DIS3L2: variants seen among roughly 807,000 people sequenced by gnomAD.
The protein encoded by DIS3L2 is DIS3-like exonuclease 2.
A neutral mutation model predicts 97.5 loss-of-function variants in DIS3L2; 34 were observed. The ratio of observed to expected loss-of-function variants is 0.35; its 90% CI spans 0.27 to 0.46. The LOEUF (loss-of-function observed/expected upper bound fraction) is 0.46, where lower values mean the gene tolerates loss of function less well. DIS3L2 is among the 20% of genes least tolerant of loss of function. The pLI is 1.00. For missense variants in DIS3L2, 1,038 were observed against 1,146.0 expected, an observed-to-expected ratio of 0.91 and a Z score of 1.36; for synonymous variants, 435 against 445.2, an observed-to-expected ratio of 0.98 and a Z score of 0.29.
At chr2:232,177,197 G>A (rs1441135229) in intron 9 of DIS3L2, among the ~76,000 whole-genome samples, 40 of 141,586 alleles carry the variant, frequency 2.8e-4, no homozygotes, top group African/African-American at 9.7e-4. Context: ...TCTTAATCCA[G>A]TCTATCATTG....
intron 9 of DIS3L2, among the ~76,000 whole-genome samples, chr2:232,199,928 C>T (rs984967584): frequency 2.6e-5 from 4 of 151,968 alleles, no homozygotes; most frequent in African/African-American, 9.7e-5. Context: ...ACAAATGGGC[C>T]TAATGTTTTT....
At chr2:232,030,957 T>C (rs2106240841) in intron 5 of DIS3L2, among the ~76,000 whole-genome samples, 1 of 152,336 alleles carries the variant, frequency 6.6e-6, no homozygotes, top group Non-Finnish European at 1.5e-5. Flanking sequence ...CAATAATACG[T>C]GTTATAGAGT....
chr2:232,306,811 C>T (rs941540411), intron 14 of DIS3L2, among the ~76,000 whole-genome samples: 3 of 152,250 alleles, frequency 2.0e-5, no homozygotes, highest in Non-Finnish European at 4.4e-5. Context: ...GTGATCCCAC[C>T]CCACCTGCCT....
At chr2:232,011,702 C>G (rs1173476611) in intron 1 of DIS3L2, among the ~76,000 whole-genome samples, 1 of 151,172 alleles carries the variant, frequency 6.6e-6, no homozygotes, top group African/African-American at 2.4e-5. Context: ...GTTGCCCAGG[C>G]TGGAGTGCAC....
rs908679435 is a variant in DIS3L2 at position 232,024,215 on chromosome 2, A to G, written c.211-62A>G. 11 of 1,251,096 alleles carry G rather than the reference A, an allele frequency of 8.8e-6. No homozygotes were observed. The Admixed American group carries it at 1.8e-4, about 20-fold the overall frequency. The allele number at this position is 1,251,096 out of a possible 1,614,324, so 77.5% of individuals were successfully genotyped here. A position where few individuals can be genotyped will look rare whatever the true frequency, so the allele number is the denominator to read the frequency against. On this transcript the variant is annotated intron_variant, in intron 3 of 20. Coordinates refer to ENST00000325385, the MANE Select transcript of DIS3L2 (RefSeq NM_152383.5). ...TTAAAACTTTTTATTGGAGAATAAC[A>G]TACGTGGAAAAATCGTAAATATATA... is the stretch of plus-strand genomic sequence containing the variant.
chr2:232,111,144 T>C (rs1465834875), intron 6 of DIS3L2: 1 of 425,766 alleles, frequency 2.3e-6, no homozygotes, highest in Non-Finnish European at 4.9e-6. Flanking sequence ...AAAAAACTGC[T>C]GTGCTTAAAA....
chr2:232,243,368 A>G lies in DIS3L2; in HGVS notation c.1317+4723A>G, dbSNP rs76207938. On this transcript the variant is annotated intron_variant, in intron 11 of 20. Coordinates refer to ENST00000325385, the MANE Select transcript of DIS3L2 (RefSeq NM_152383.5). Reference sequence around the variant, plus strand: ...CCTGGAGTGGTAGGCGAAGGAGCTCAGATTTTGAGGGCAAGTAGGGAAGTG... The same window carrying G: ...CCTGGAGTGGTAGGCGAAGGAGCTCGGATTTTGAGGGCAAGTAGGGAAGTG... Among the ~76,000 whole-genome samples, 467 of 152,276 alleles carry G rather than the reference A, an allele frequency of 3.1e-3. 1 individual carries two copies. Among genetic ancestry groups the G allele is most frequent in the African/African-American group, 0.011 (441 of 41,558 alleles).
intron 5 of DIS3L2, among the ~76,000 whole-genome samples, chr2:232,058,330 G>T (rs1438383662): frequency 6.6e-6 from 1 of 152,116 alleles, no homozygotes; most frequent in East Asian, 1.9e-4. Context: ...CTCTAATTCT[G>T]TGCCCATTTC....
rs1266503246 is a variant in DIS3L2 at position 232,163,461 on chromosome 2, AGCTG to A, written c.957_960del (p.Ala320ArgfsTer17). Reference sequence around the variant, plus strand: ...TTCCGTTTCTGTTCTATCCATAGGCAGCTGGCTAAGAGTCTTGGGCAGGCTGGTG... The same window carrying A: ...TTCCGTTTCTGTTCTATCCATAGGCAGCTAAGAGTCTTGGGCAGGCTGGTG... On this transcript the variant is annotated frameshift_variant, in exon 9 of 21. Transcript: ENST00000325385. LOFTEE classifies it high-confidence loss of function. The A allele has an allele frequency of 6.2e-7, 1 of 1,613,746 alleles. No individual in the cohort carries two copies. Among genetic ancestry groups the A allele is most frequent in the Non-Finnish European group, 8.5e-7 (1 of 1,179,826 alleles).
chr2:232,125,743 G>C (rs1345465272), intron 6 of DIS3L2, among the ~76,000 whole-genome samples: 1 of 152,162 alleles, frequency 6.6e-6, no homozygotes, highest in Non-Finnish European at 1.5e-5. Flanking sequence ...GCCTTGACAG[G>C]AGCTAGATGT....
chr2:232,249,383 T>A (rs1443286838), intron 12 of DIS3L2, 37 bp downstream of exon 12: 1 of 1,596,854 alleles, frequency 6.3e-7, no homozygotes, highest in Non-Finnish European at 8.6e-7. Context: ...CACTTACCTC[T>A]TTTCTGTTCC....
At chr2:232,009,509 G>A (rs1305498161) in intron 1 of DIS3L2, among the ~76,000 whole-genome samples, 3 of 151,952 alleles carry the variant, frequency 2.0e-5, no homozygotes, top group Admixed American at 2.0e-4. Flanking sequence ...TTGCCTCCTG[G>A]GTCAGCGTAT....
intron 13 of DIS3L2, among the ~76,000 whole-genome samples, chr2:232,280,143 T>A (rs998291147): frequency 3.3e-5 from 5 of 152,226 alleles, no homozygotes; most frequent in Non-Finnish European, 2.9e-5. Context: ...CTTCCTTTTT[T>A]AAAACATATT....
intron 14 of DIS3L2, among the ~76,000 whole-genome samples, chr2:232,311,538 G>A (rs1051858530): frequency 6.6e-5 from 10 of 152,216 alleles, no homozygotes; most frequent in African/African-American, 1.2e-4. Context: ...ACCAGCCCGG[G>A]CAGTGTAACG....
At chr2:232,117,701 C>T (rs1248856001) in intron 6 of DIS3L2, among the ~76,000 whole-genome samples, 1 of 152,168 alleles carries the variant, frequency 6.6e-6, no homozygotes, top group African/African-American at 2.4e-5. Context: ...AACCAGGCTC[C>T]GTATTGTTCC....
chr2:232,084,569 G>A (rs898482250), intron 5 of DIS3L2, among the ~76,000 whole-genome samples: 1 of 152,108 alleles, frequency 6.6e-6, no homozygotes, highest in Non-Finnish European at 1.5e-5. Context: ...AGGGCCCTGC[G>A]GGAATCTTTT....
At chr2:232,070,941 T>A (rs1003002519) in intron 5 of DIS3L2, among the ~76,000 whole-genome samples, 2 of 152,100 alleles carry the variant, frequency 1.3e-5, no homozygotes, top group African/African-American at 4.8e-5. Context: ...GGGCACATGT[T>A]ACAGAACACT....
At chr2:232,258,399 A>G (rs1414520050) in intron 12 of DIS3L2, among the ~76,000 whole-genome samples, 1 of 152,150 alleles carries the variant, frequency 6.6e-6, no homozygotes, top group Non-Finnish European at 1.5e-5. Context: ...CCTGGCCAAC[A>G]TGGTGAAACC....
rs181790321 is a variant in DIS3L2, at chr2:232,217,322, C to A, written c.1204+6917C>A. Among the ~76,000 whole-genome samples, 72 of 152,292 alleles carry A rather than the reference C, an allele frequency of 4.7e-4. 1 individual carries two copies. The East Asian group carries it at 0.012, about 25-fold the overall frequency. On this transcript the variant is annotated intron_variant, in intron 10 of 20. Coordinates refer to ENST00000325385, the MANE Select transcript of DIS3L2 (RefSeq NM_152383.5). ...GAAAAAACAACACAGACTGCCTTTC[C>A]CCTGCTGCCACCCTGCAACAATCAA...
Sources: allele counts gnomAD v4.1 joint callset (sites outside exome capture counted in the v4.1 genomes callset), GRCh38; gene constraint gnomAD v4.1.1; transcripts MANE v1.5; gene names NCBI Gene and HGNC (gene_info 2026-07-23, HGNC 2026-07-21).